Variants in TPGS1 observed in about 807,000 individuals in gnomAD.
TPGS1 encodes gene trap ROSA b-geo 22.
A neutral mutation model predicts 11.9 loss-of-function variants in TPGS1; 18 were observed. That is an observed-to-expected ratio of 1.51 (90% CI 1.04 to 2.24). The LOEUF (loss-of-function observed/expected upper bound fraction) is 2.24, where lower values mean the gene tolerates loss of function less well. Among genes scored for constraint, TPGS1 ranks in the 30% most tolerant of loss-of-function variants. The probability of loss-of-function intolerance (pLI) is 0.00; values close to 1 mark genes in which losing one functional copy is unlikely to be tolerated. For missense variants in TPGS1, 500 were observed against 443.0 expected, an observed-to-expected ratio of 1.13 and a Z score of -1.16; for synonymous variants, 247 against 218.2, an observed-to-expected ratio of 1.13 and a Z score of -1.16.
rs1335767510 is a variant in TPGS1 at position 518,918 on chromosome 19, C to G, written c.368C>G (p.Ala123Gly). ...RAAFNNNVSV[A>G]YECLSAGGRR... ...GCCTTCAACAACAACGTGAGCGTGG[C>G]CTACGAGTGCCTGAGCGCCGGCGGG... Residue 123 changes from alanine (A) to glycine (G), a missense_variant, in exon 2 of 2, where the codon GCC becomes GGC. Transcript: ENST00000359315. The G allele has an allele frequency of 7.0e-6, 11 of 1,571,640 alleles. No individual in the cohort carries two copies. The highest frequency in any genetic ancestry group is 9.4e-6 in the Non-Finnish European group (11 of 1,166,212).
At position 507,578 on chromosome 19, in the gene TPGS1, G is replaced by A. The variant is rs766494346; in HGVS notation, c.72G>A (p.Ser24=). Residue 24 remains serine (S), a synonymous_variant, in exon 1 of 2, where the codon TCG becomes TCA. Coordinates refer to ENST00000359315, the MANE Select transcript of TPGS1 (RefSeq NM_033513.3). ...PAGFTDSGRQ[S]VSRAAGAAES... is the part of the protein sequence containing the mutation. Reference sequence around the variant, plus strand: ...GTTTCACGGACAGCGGCCGCCAGTCGGTATCCCGGGCGGCGGGGGCGGCCG... The same window carrying A: ...GTTTCACGGACAGCGGCCGCCAGTCAGTATCCCGGGCGGCGGGGGCGGCCG... 28 of 1,394,168 alleles carry A rather than the reference G, an allele frequency of 2.0e-5. No homozygotes were observed. The Middle Eastern group carries it at 5.7e-4, about 28-fold the overall frequency. 86.4% of individuals were successfully genotyped at this position (1,394,168 alleles called of 1,614,324 possible).
At chr19:518,155 G>GA (rs2145835633) in intron 1 of TPGS1, among the ~76,000 whole-genome samples, 1 of 112,230 alleles carries the variant, frequency 8.9e-6, no homozygotes, top group Non-Finnish European at 1.9e-5. Flanking sequence ...CTGGGAGGAG[G>GA]GAGGCCCAGG....
chr19:515,579 A>G (rs528536402), intron 1 of TPGS1, among the ~76,000 whole-genome samples: 15 of 151,000 alleles, frequency 9.9e-5, no homozygotes, highest in Non-Finnish European at 1.6e-4. Flanking sequence ...CTCTACTAAA[A>G]ATACAAAAAT....
chr19:518,966 A>T lies in TPGS1; in HGVS notation c.416A>T (p.Asp139Val). The T allele has an allele frequency of 1.9e-6, 3 of 1,586,820 alleles. No homozygotes were observed. Among genetic ancestry groups the T allele is most frequent in the Non-Finnish European group, 2.6e-6 (3 of 1,174,004 alleles). The change falls in exon 2 of 2, where the codon GAC becomes GTC. Residue 139 changes from aspartate (D) to valine (V), a missense_variant. Physicochemically the swap from Asp to Val is radical, Grantham distance 152. Transcript: ENST00000359315. The stretch of plus-strand genomic sequence containing the variant: ...GGGCGCAGGAAGAGGCCGGGGCTGG[A>T]CGGGCGCACCTACAGCGAGCTGCTC... ...AGGRRKRPGL[D>V]GRTYSELLRR... is the part of the protein sequence containing the mutation.
In TPGS1 at chr19:519,553, C is replaced by A; in HGVS notation, c.*130C>A. On this transcript the variant is annotated 3_prime_UTR_variant, in exon 2 of 2. Coordinates refer to ENST00000359315, the MANE Select transcript of TPGS1 (RefSeq NM_033513.3). ...CCCAGCCCTGCGGAGGAGGCCGGGG[C>A]TCCCAGGAAGCGGACGCCCGGTCCC... The A allele has an allele frequency of 1.1e-6, 1 of 925,352 alleles. No individual in the cohort carries two copies. Among genetic ancestry groups the A allele is most frequent in the Non-Finnish European group, 1.4e-6 (1 of 728,880 alleles). 57.3% of individuals were successfully genotyped at this position (925,352 alleles called of 1,614,324 possible).
At position 507,602 on chromosome 19, in the gene TPGS1, C is replaced by A; in HGVS notation, c.96C>A (p.Ala32=). ...CGGTATCCCGGGCGGCGGGGGCGGC[C>A]GAGAGCGAGGAGGACTTCCTGCGGC... ...RQSVSRAAGA[A]ESEEDFLRQV... The change falls in exon 1 of 2, where the codon GCC becomes GCA. Residue 32 remains alanine, a synonymous_variant. Transcript: ENST00000359315. 1 of 1,402,604 alleles carries A rather than the reference C, an allele frequency of 7.1e-7. No homozygotes were observed. Among genetic ancestry groups the A allele is most frequent in the East Asian group, 3.0e-5 (1 of 33,798 alleles). 86.9% of individuals were successfully genotyped at this position (1,402,604 alleles called of 1,614,324 possible).
Position 518,984 on chromosome 19 carries a change from A to G in TPGS1, c.434A>G (p.Glu145Gly). 3 of 1,583,414 alleles carry G rather than the reference A, an allele frequency of 1.9e-6. No homozygotes were observed. Among genetic ancestry groups the G allele is most frequent in the Non-Finnish European group, 2.6e-6 (3 of 1,172,316 alleles). Residue 145 changes from glutamate to glycine, a missense_variant, in exon 2 of 2, where the codon GAG (glutamate) becomes GGG (glycine). Glu to Gly is a moderately conservative substitution (Grantham distance 98). Transcript: ENST00000359315. Reference sequence around the variant, plus strand: ...GGGCTGGACGGGCGCACCTACAGCGAGCTGCTCAGGCGCATCTGCCGGGAC... The same window carrying G: ...GGGCTGGACGGGCGCACCTACAGCGGGCTGCTCAGGCGCATCTGCCGGGAC... ...RPGLDGRTYSELLRRICRDGQ... is the reference protein window; with the variant it reads ...RPGLDGRTYSGLLRRICRDGQ...
chr19:507,942 C>T, intron 1 of TPGS1, 98 bp downstream of exon 1: 1 of 997,186 alleles, frequency 1.0e-6, no homozygotes, highest in East Asian at 3.3e-5. Flanking sequence ...GCGCAGGGGC[C>T]CGGGGCTTGC....
Position 519,144 on chromosome 19 carries a change from C to T in TPGS1, c.594C>T (p.Ala198=), listed in dbSNP as rs746888551. The change falls in exon 2 of 2, where the codon GCC becomes GCT. Residue 198 remains alanine (A), a synonymous_variant. Transcript: ENST00000359315. The part of the protein sequence containing the change: ...CFVLLEFVAR[A]GALFQLLEDS... The stretch of plus-strand genomic sequence containing the variant: ...TGCTGCTGGAGTTCGTGGCGCGCGC[C>T]GGCGCGCTCTTCCAGCTGCTGGAGG... The T allele has an allele frequency of 7.9e-6, 12 of 1,513,794 alleles. No individual in the cohort carries two copies. Among genetic ancestry groups the T allele is most frequent in the African/African-American group, 2.9e-5 (2 of 69,600 alleles). 93.8% of individuals were successfully genotyped at this position (1,513,794 alleles called of 1,614,324 possible).
At position 507,840 on chromosome 19, in the gene TPGS1, C is replaced by A; in HGVS notation, c.334C>A (p.Gln112Lys). ...LWHLRLAHHS[Q>K]RAAFNNNVSV... is the part of the protein sequence containing the mutation. ...GCACCTTCGCCTGGCCCACCACTCC[C>A]AGAGGTGCGCAGTGGGCCGGCTTGG... Residue 112 changes from glutamine to lysine, a missense_variant, in exon 1 of 2, where the codon CAG (glutamine) becomes AAG (lysine). Physicochemically the swap from Gln to Lys is moderately conservative, Grantham distance 53 (BLOSUM62 1). Transcript: ENST00000359315. 7.5e-7 allele frequency: 1 copy of A among 1,331,672 alleles called. No individual in the cohort carries two copies. Among genetic ancestry groups the A allele is most frequent in the Non-Finnish European group, 9.6e-7 (1 of 1,041,968 alleles). 82.5% of individuals were successfully genotyped at this position (1,331,672 alleles called of 1,614,324 possible).
rs1276622475 is a variant in TPGS1 at position 518,981 on chromosome 19, G to A, written c.431G>A (p.Ser144Asn). 1 of 1,584,510 alleles carries A rather than the reference G, an allele frequency of 6.3e-7. No homozygotes were observed. The highest frequency in any genetic ancestry group is 1.3e-5 in the African/African-American group (1 of 74,308). Residue 144 changes from serine to asparagine, a missense_variant, in exon 2 of 2, where the codon AGC becomes AAC. Ser to Asn is a conservative substitution (Grantham distance 46, BLOSUM62 1). Transcript: ENST00000359315. ...KRPGLDGRTY[S>N]ELLRRICRDG... is the part of the protein sequence containing the mutation. ...CCGGGGCTGGACGGGCGCACCTACA[G>A]CGAGCTGCTCAGGCGCATCTGCCGG...
chr19:509,717 C>T (rs4919910), intron 1 of TPGS1: 84,788 of 152,304 alleles, frequency 0.56, 24,305 homozygotes, highest in South Asian at 0.7. Flanking sequence ...ACCTCAACCG[C>T]CTACATCTGC....
intron 1 of TPGS1, among the ~76,000 whole-genome samples, chr19:511,489 C>T (rs1978793563): frequency 6.6e-6 from 1 of 152,270 alleles, no homozygotes; most frequent in African/African-American, 2.4e-5. Flanking sequence ...CGTATGCCAG[C>T]TGCTGTCCTG....
At chr19:511,678 G>A (rs1171639473) in intron 1 of TPGS1, among the ~76,000 whole-genome samples, 3 of 152,258 alleles carry the variant, frequency 2.0e-5, no homozygotes, top group Non-Finnish European at 4.4e-5. Context: ...TGCTTGCGGA[G>A]CTGGACCAGG....
chr19:518,755 G>GT (rs1979048799), intron 1 of TPGS1, 134 bp from the exon 2 acceptor site: 1 of 944,846 alleles, frequency 1.1e-6, no homozygotes, highest in Non-Finnish European at 1.5e-6. Flanking sequence ...CCGGGGATGG[G>GT]GGGTAGGAGG....
rs1978670296 is a variant in TPGS1 at position 507,843 on chromosome 19, A to G, written c.337A>G (p.Arg113Gly). 2 of 1,331,152 alleles carry G rather than the reference A, an allele frequency of 1.5e-6. No individual in the cohort carries two copies. The highest frequency in any genetic ancestry group is 1.9e-6 in the Non-Finnish European group (2 of 1,041,574). The allele number at this position is 1,331,152 out of a possible 1,614,324, so 82.5% of individuals were successfully genotyped here. ...CCTTCGCCTGGCCCACCACTCCCAG[A>G]GGTGCGCAGTGGGCCGGCTTGGGCG... The part of the protein sequence containing the change: ...WHLRLAHHSQ[R>G]AAFNNNVSVA... Residue 113 changes from arginine to glycine, a missense_variant and splice_region_variant, in exon 1 of 2, where the codon AGG becomes GGG. By Grantham distance (125) the Arg-to-Gly change is moderately radical (BLOSUM62 -2). Coordinates refer to ENST00000359315, the MANE Select transcript of TPGS1 (RefSeq NM_033513.3).
At chr19:511,480 G>A (rs1156590037) in intron 1 of TPGS1, among the ~76,000 whole-genome samples, 1 of 152,240 alleles carries the variant, frequency 6.6e-6, no homozygotes, top group East Asian at 1.9e-4. Context: ...CCTCCCACAC[G>A]TATGCCAGCT....
rs546632634 is a variant in TPGS1 at position 513,107 on chromosome 19, G to A, written c.338+5263G>A. ...TTGGTTTTGGGCCTCTAGGTTTGGGGTGTGATCTGTGAGGCGGCAGCAGCC... is the reference window on the plus strand; with the variant it reads ...TTGGTTTTGGGCCTCTAGGTTTGGGATGTGATCTGTGAGGCGGCAGCAGCC... On this transcript the variant is annotated intron_variant, in intron 1 of 1. Transcript: ENST00000359315. Among the ~76,000 whole-genome samples, 49 of 152,310 alleles carry A rather than the reference G, an allele frequency of 3.2e-4. 1 individual carries two copies. The South Asian group carries it at 9.7e-3, about 30-fold the overall frequency.
At chr19:518,827 G>T in intron 1 of TPGS1, 62 bp from the exon 2 acceptor site, 1 of 1,439,558 alleles carries the variant, frequency 6.9e-7, no homozygotes, top group East Asian at 2.6e-5. Flanking sequence ...TGGCGAGGAG[G>T]GGAGGCTGGG....
Sources: gnomAD v4.1 joint callset for allele counts (sites outside exome capture counted in the v4.1 genomes callset) on GRCh38, gnomAD v4.1.1 for gene constraint, MANE v1.5 for transcripts, NCBI Gene and HGNC (gene_info 2026-07-23, HGNC 2026-07-21) for gene names.